Variants in PLET1 observed in about 807,000 individuals in gnomAD.
PLET1 encodes the protein placenta-expressed transcript 1 protein.
PLET1 carries 20 observed loss-of-function variants against 18.5 expected under a neutral mutation model. The ratio of observed to expected loss-of-function variants is 1.08; its 90% CI spans 0.76 to 1.57. The LOEUF (loss-of-function observed/expected upper bound fraction) is 1.57, where lower values mean the gene tolerates loss of function less well. PLET1 is among the 40% of genes most tolerant of loss of function. The pLI, the probability that PLET1 is intolerant of heterozygous loss-of-function variation, is 0.00. For synonymous variants in PLET1, 93 were observed against 93.8 expected (o/e 0.99, Z 0.05); for missense variants, 256 against 246.4 (o/e 1.04, Z -0.26).
Position 112,248,984 on chromosome 11 carries a change from T to C in PLET1, c.449-10A>G, listed in dbSNP as rs769515781. 5 of 1,548,612 alleles carry C rather than the reference T, an allele frequency of 3.2e-6. No homozygotes were observed. The South Asian group carries it at 4.8e-5, about 15-fold the overall frequency. ...AAGGCTAAGGTTGACACTGGAAAGG[T>C]GGTTGAGGGTGCGGTTGGCACTGGA... is the stretch of plus-strand genomic sequence containing the variant. On this transcript the variant is annotated splice_polypyrimidine_tract_variant and intron_variant, in intron 3 of 3. Coordinates refer to ENST00000338832, the MANE Select transcript of PLET1 (RefSeq NM_001145024.1).
Position 112,260,685 on chromosome 11 carries a change from C to A in PLET1, c.-96G>T. 1 of 1,083,522 alleles carries A rather than the reference C, an allele frequency of 9.2e-7. No individual in the cohort carries two copies. The highest frequency in any genetic ancestry group is 1.3e-6 in the Non-Finnish European group (1 of 758,888). The allele number at this position is 1,083,522 out of a possible 1,614,324, so 67.1% of individuals were successfully genotyped here. On this transcript the variant is annotated 5_prime_UTR_variant, in exon 1 of 4. An upstream start codon of the reference 5' UTR is lost. Coordinates refer to ENST00000338832, the MANE Select transcript of PLET1 (RefSeq NM_001145024.1). The stretch of plus-strand genomic sequence containing the variant: ...GCCAGGGCTTCTGGGTGAAGTCATA[C>A]ATGCAGATCTTCTCCCTGCCCCTTC...
intron 2 of PLET1, among the ~76,000 whole-genome samples, chr11:112,254,162 G>T (rs1860185461): frequency 4.0e-5 from 6 of 151,086 alleles, no homozygotes; most frequent in Admixed American, 4.0e-4. Flanking sequence ...AGGGTGCTCA[G>T]TTCTTTCTGA....
At position 112,252,828 on chromosome 11, in the gene PLET1, C is replaced by T. The variant is rs191427696; in HGVS notation, c.387-419G>A. Among the ~76,000 whole-genome samples, 752 of 152,284 alleles carry T rather than the reference C, an allele frequency of 4.9e-3. 4 individuals carry two copies. The highest frequency in any genetic ancestry group is 8.5e-3 in the Non-Finnish European group (579 of 68,022). ...CACTGACTTGCTAGGAGCCTCTGTCCCCATGGGAGGACCGACTTTATAAGG... is the reference window on the plus strand; with the variant it reads ...CACTGACTTGCTAGGAGCCTCTGTCTCCATGGGAGGACCGACTTTATAAGG... On this transcript the variant is annotated intron_variant, in intron 2 of 3. Coordinates refer to ENST00000338832, the MANE Select transcript of PLET1 (RefSeq NM_001145024.1).
At chr11:112,254,733 G>C (rs111211407) in intron 2 of PLET1, among the ~76,000 whole-genome samples, 52 of 113,380 alleles carry the variant, frequency 4.6e-4, no homozygotes, top group African/African-American at 1.5e-3. Flanking sequence ...TGTGTGTGTG[G>C]TGTGTGTGTG....
intron 2 of PLET1, among the ~76,000 whole-genome samples, chr11:112,254,894 GGT>G (rs147979720): frequency 0.63 from 85,265 of 135,294 alleles, 27,941 homozygotes; most frequent in East Asian, 0.78. Context: ...GTATGTGTGT[GGT>G]GTATGTGGTG....
chr11:112,250,220 C>CTTTTTTTTTTTTTTTTTTTTTT (rs33963716), intron 3 of PLET1, among the ~76,000 whole-genome samples: 6 of 49,866 alleles, frequency 1.2e-4, no homozygotes, highest in East Asian at 1.5e-3. Flanking sequence ...AGAAACAAAC[C>CTTTTTTTTTTTTTTTTTTTTTT]TTTTTTTTTT....
At position 112,260,191 on chromosome 11, in the gene PLET1, G is replaced by A. The variant is rs542347870; in HGVS notation, c.184+215C>T. ...GTGAATCTGGGGTTGGGGCTTTCTC[G>A]CTCCTGTGGCTTGAGTTCACAAGGA... On this transcript the variant is annotated intron_variant, in intron 1 of 3. Transcript: ENST00000338832. The A allele has an allele frequency of 1.3e-4, 64 of 501,624 alleles. No homozygotes were observed. In the East Asian group the frequency reaches 1.6e-3, roughly 13 times the overall value. The allele number at this position is 501,624 out of a possible 1,614,324, so 31.1% of individuals were successfully genotyped here. A position where few individuals can be genotyped will look rare whatever the true frequency, so the allele number is the denominator to read the frequency against.
chr11:112,258,598 C>T (rs1860250919), intron 1 of PLET1, among the ~76,000 whole-genome samples: 2 of 152,126 alleles, frequency 1.3e-5, no homozygotes, highest in Admixed American at 1.3e-4. Context: ...ATTTCTCTTT[C>T]CTCCATTGCA....
intron 3 of PLET1, 65 bp downstream of exon 3, chr11:112,252,283 A>G: frequency 1.4e-6 from 2 of 1,417,070 alleles, no homozygotes; most frequent in South Asian, 1.2e-5. Flanking sequence ...GGGAACCCAC[A>G]AGGTAATTTT....
chr11:112,252,849 T>C (rs962370270), intron 2 of PLET1, among the ~76,000 whole-genome samples: 6 of 152,242 alleles, frequency 3.9e-5, no homozygotes, highest in Non-Finnish European at 8.8e-5. Flanking sequence ...ACCGACTTTA[T>C]AAGGCAGGTT....
intron 1 of PLET1, 116 bp from the exon 2 acceptor site, chr11:112,255,705 C>G: frequency 1.2e-6 from 1 of 852,484 alleles, no homozygotes; most frequent in Admixed American, 2.1e-5. Flanking sequence ...AAAGAATATG[C>G]ACATCGAGTA....
At chr11:112,251,146 T>C (rs1860150857) in intron 3 of PLET1, among the ~76,000 whole-genome samples, 2 of 152,198 alleles carry the variant, frequency 1.3e-5, no homozygotes, top group South Asian at 4.1e-4. Context: ...TGTATTTTTA[T>C]AGTTTTGATG....
chr11:112,249,699 G>T (rs1247695699), intron 3 of PLET1, among the ~76,000 whole-genome samples: 1 of 152,104 alleles, frequency 6.6e-6, no homozygotes, highest in Non-Finnish European at 1.5e-5. Flanking sequence ...CCAGATGTCT[G>T]TAATCCCAGC....
chr11:112,258,714 A>G (rs1004034132), intron 1 of PLET1, among the ~76,000 whole-genome samples: 2 of 152,260 alleles, frequency 1.3e-5, no homozygotes, highest in Non-Finnish European at 1.5e-5. Context: ...CAGGTTGCAC[A>G]TATGTCCACC....
At chr11:112,253,554 CT>C (rs1860180847) in intron 2 of PLET1, among the ~76,000 whole-genome samples, 1 of 152,186 alleles carries the variant, frequency 6.6e-6, no homozygotes, top group Admixed American at 6.5e-5. Context: ...ACTGTTTGGT[CT>C]TTCATCTCTT....
Position 112,260,458 on chromosome 11 carries a change from G to T in PLET1, c.132C>A (p.Thr44=), listed in dbSNP as rs1329419745. 2.1e-5 allele frequency: 33 copies of T among 1,551,808 alleles called. No homozygotes were observed. Among genetic ancestry groups the T allele is most frequent in the Non-Finnish European group, 2.6e-5 (30 of 1,146,990 alleles). The change falls in exon 1 of 4, where the codon ACC becomes ACA. Residue 44 remains threonine (T), a synonymous_variant. Coordinates refer to ENST00000338832, the MANE Select transcript of PLET1 (RefSeq NM_001145024.1). ...TATGTGAACTGGCCTTGATGTCTAGGGTTATGGTGTAGTATTCATCAAAGG... is the reference window on the plus strand; with the variant it reads ...TATGTGAACTGGCCTTGATGTCTAGTGTTATGGTGTAGTATTCATCAAAGG... ...CFTFDEYYTI[T]LDIKASSHIY... is the part of the protein sequence containing the mutation.
chr11:112,248,947 A>C lies in PLET1; in HGVS notation c.476T>G (p.Ile159Ser). 6.4e-7 allele frequency: 1 copy of C among 1,550,748 alleles called. No individual in the cohort carries two copies. Among genetic ancestry groups the C allele is most frequent in the East Asian group, 2.4e-5 (1 of 40,896 alleles). ...AGGCTTGAAGGCTGAGCTCTGGGGA[A>C]TCTTGGCAGCTAAGGCTAAGGTTGA... Reference protein sequence around the residue: ...KLSTLALAAKIPQSSAFKPFF... With the variant: ...KLSTLALAAKSPQSSAFKPFF... Residue 159 changes from isoleucine to serine, a missense_variant, in exon 4 of 4, where the codon ATT (isoleucine) becomes AGT (serine). Transcript: ENST00000338832.
rs1860123282 is a variant in PLET1 at position 112,248,535 on chromosome 11, C to T, written c.*264G>A. Reference sequence around the variant, plus strand: ...CAACCTGTTCAACCAATAGGGAGAACCTAGGTGACTAAGTTCCGGCCAGTT... The same window carrying T: ...CAACCTGTTCAACCAATAGGGAGAATCTAGGTGACTAAGTTCCGGCCAGTT... On this transcript the variant is annotated 3_prime_UTR_variant, in exon 4 of 4. Coordinates refer to ENST00000338832, the MANE Select transcript of PLET1 (RefSeq NM_001145024.1). 2.2e-6 allele frequency: 1 copy of T among 457,514 alleles called. No homozygotes were observed. The highest frequency in any genetic ancestry group is 2.0e-5 in the African/African-American group (1 of 49,640). The allele number at this position is 457,514 out of a possible 1,614,324, so 28.3% of individuals were successfully genotyped here.
intron 1 of PLET1, among the ~76,000 whole-genome samples, chr11:112,257,215 T>G (rs1467920699): frequency 6.6e-6 from 1 of 152,166 alleles, no homozygotes; most frequent in Non-Finnish European, 1.5e-5. Flanking sequence ...CCTTTCCCTT[T>G]TTCTGCAAAT....
Sources: gnomAD v4.1 joint callset for allele counts (sites outside exome capture counted in the v4.1 genomes callset) on GRCh38, gnomAD v4.1.1 for gene constraint, MANE v1.5 for transcripts, NCBI Gene and HGNC (gene_info 2026-07-23, HGNC 2026-07-21) for gene names.